POFUT3: variants seen among roughly 807,000 people sequenced by gnomAD.
POFUT3 encodes the protein GDP-fucose protein O-fucosyltransferase 3.
the POFUT3 span, among the ~76,000 whole-genome samples, chr8:33,459,644 A>G: frequency 6.6e-6 from 1 of 150,778 alleles, no homozygotes; most frequent in African/African-American, 2.5e-5. Context: ...ACTGTCTCAA[A>G]AAAAAAAAAA....
At chr8:33,453,879 C>T in the POFUT3 span, among the ~76,000 whole-genome samples, 1 of 151,924 alleles carries the variant, frequency 6.6e-6, no homozygotes, top group African/African-American at 2.4e-5. Flanking sequence ...CACTTGAACT[C>T]GGGAGGCAGA....
At chr8:33,343,106 G>A in the POFUT3 span, among the ~76,000 whole-genome samples, 27 of 136,290 alleles carry the variant, frequency 2.0e-4, no homozygotes, top group Admixed American at 7.3e-5. Flanking sequence ...GCAAGACTCC[G>A]TCTAAGAAAA....
the POFUT3 span, among the ~76,000 whole-genome samples, chr8:33,351,674 C>T: frequency 1.3e-5 from 2 of 152,084 alleles, no homozygotes; most frequent in Admixed American, 1.3e-4. Context: ...GCCAAATAAA[C>T]CTCTTACCCA....
At chr8:33,434,042 T>C in the POFUT3 span, among the ~76,000 whole-genome samples, 1 of 150,446 alleles carries the variant, frequency 6.6e-6, no homozygotes, top group Admixed American at 6.6e-5. Context: ...GGCAGGCAGA[T>C]CATGAGGTCA....
chr8:33,310,251 T>C, the POFUT3 span, among the ~76,000 whole-genome samples: 1 of 146,574 alleles, frequency 6.8e-6, no homozygotes, highest in Admixed American at 6.8e-5. Context: ...TAACTCAGAA[T>C]TACTACCAAA....
At chr8:33,436,780 G>A in the POFUT3 span, 4 of 506,974 alleles carry the variant, frequency 7.9e-6, no homozygotes, top group Middle Eastern at 5.5e-4. Flanking sequence ...TAAAATAGCG[G>A]CCAATTTTTT....
the POFUT3 span, among the ~76,000 whole-genome samples, chr8:33,461,972 C>T: frequency 6.6e-6 from 1 of 150,922 alleles, no homozygotes; most frequent in East Asian, 2.0e-4. Context: ...CCAGTCTGGC[C>T]AACATGGCAA....
chr8:33,328,876 C>G, the POFUT3 span, among the ~76,000 whole-genome samples: 2 of 152,146 alleles, frequency 1.3e-5, no homozygotes, highest in African/African-American at 4.8e-5. Flanking sequence ...AGGGCATTCT[C>G]TAAAAAGAGG....
the POFUT3 span, among the ~76,000 whole-genome samples, chr8:33,354,228 A>T: frequency 6.6e-6 from 1 of 152,200 alleles, no homozygotes; most frequent in Non-Finnish European, 1.5e-5. Flanking sequence ...ATAGGAGATT[A>T]CATATAGATA....
the POFUT3 span, among the ~76,000 whole-genome samples, chr8:33,423,694 C>T: frequency 2.0e-5 from 3 of 151,832 alleles, no homozygotes; most frequent in Non-Finnish European, 4.4e-5. Context: ...TTTATATTTA[C>T]ATTAATAAAT....
chr8:33,388,473 A>T, the POFUT3 span, among the ~76,000 whole-genome samples: 1 of 150,772 alleles, frequency 6.6e-6, no homozygotes, highest in African/African-American at 2.4e-5. Context: ...AGTAGCTGGG[A>T]TTACAAGTGC....
the POFUT3 span, among the ~76,000 whole-genome samples, chr8:33,432,282 C>A: frequency 6.6e-6 from 1 of 151,792 alleles, no homozygotes; most frequent in South Asian, 2.1e-4. Flanking sequence ...TGATGGGCAC[C>A]TGTAATCCCA....
At chr8:33,370,556 A>T in the POFUT3 span, among the ~76,000 whole-genome samples, 2 of 152,224 alleles carry the variant, frequency 1.3e-5, no homozygotes, top group African/African-American at 4.8e-5. Context: ...AACACAGATT[A>T]ATGATTTTAT....
the POFUT3 span, among the ~76,000 whole-genome samples, chr8:33,388,234 G>T: frequency 6.6e-6 from 1 of 151,870 alleles, no homozygotes; most frequent in Non-Finnish European, 1.5e-5. Flanking sequence ...AGGCTGTGGA[G>T]TGTCAGTGTG....
chr8:33,411,442 G>A, the POFUT3 span, among the ~76,000 whole-genome samples: 1 of 152,222 alleles, frequency 6.6e-6, no homozygotes, highest in Non-Finnish European at 1.5e-5. Flanking sequence ...GGCACCATTA[G>A]TTCCTAAGAA....
At chr8:33,466,097 G>A in the POFUT3 span, among the ~76,000 whole-genome samples, 3 of 152,234 alleles carry the variant, frequency 2.0e-5, no homozygotes, top group Non-Finnish European at 4.4e-5. Flanking sequence ...AAAGCCAGAA[G>A]TGTAGTAGGT....
At chr8:33,429,326 C>G in the POFUT3 span, among the ~76,000 whole-genome samples, 1 of 152,048 alleles carries the variant, frequency 6.6e-6, no homozygotes, top group African/African-American at 2.4e-5. Context: ...TCACATCACC[C>G]CTCTCCCTGC....
chr8:33,422,415 G>C, the POFUT3 span, among the ~76,000 whole-genome samples: 2 of 151,536 alleles, frequency 1.3e-5, no homozygotes. Flanking sequence ...GGTGGTGGGG[G>C]GTGCCTATAA....
the POFUT3 span, among the ~76,000 whole-genome samples, chr8:33,323,087 G>A: frequency 2.6e-5 from 4 of 152,112 alleles, no homozygotes; most frequent in South Asian, 4.2e-4. Context: ...TGGCTCTCCC[G>A]CTTGCAAGGA....
Sources: gnomAD v4.1 joint callset for allele counts (sites outside exome capture counted in the v4.1 genomes callset) on GRCh38, gnomAD v4.1.1 for gene constraint, MANE v1.5 for transcripts, NCBI Gene and HGNC (gene_info 2026-07-23, HGNC 2026-07-21) for gene names.